The following CTNNA2 variants were observed in gnomAD, a reference collection of about 807,000 sequenced individuals.
CTNNA2 encodes catenin alpha 2.
Under a neutral mutation model 101.0 loss-of-function variants are expected in CTNNA2, and 42 were observed. The ratio of observed to expected loss-of-function variants is 0.42; its 90% CI spans 0.32 to 0.54. The LOEUF is 0.54. Among genes scored for constraint, CTNNA2 ranks in the 20% least tolerant of loss-of-function variants. CTNNA2 has a pLI of 0.14. For synonymous variants in CTNNA2, 450 were observed against 456.4 expected (o/e 0.99, Z 0.18); for missense variants, 871 against 1,223.1 (o/e 0.71, Z 4.29).
intron 9 of CTNNA2, among the ~76,000 whole-genome samples, chr2:80,474,933 A>G (rs1357498295): frequency 2.0e-5 from 3 of 152,158 alleles, no homozygotes; most frequent in Admixed American, 6.6e-5. Context: ...CAAACCCAAG[A>G]TGACTTAGCA....
At chr2:79,236,840 G>A (rs1172636923) in intron 2 of CTNNA2, among the ~76,000 whole-genome samples, 2 of 152,058 alleles carry the variant, frequency 1.3e-5, no homozygotes, top group South Asian at 2.1e-4. Flanking sequence ...ACATCTTCAG[G>A]CTCCATTTTT....
chr2:80,341,610 A>G (rs1672254438), intron 7 of CTNNA2, among the ~76,000 whole-genome samples: 1 of 152,228 alleles, frequency 6.6e-6, no homozygotes. Flanking sequence ...AAGATGGACA[A>G]TAATAAGTGT....
At chr2:79,306,675 G>A (rs965250827) in intron 2 of CTNNA2, among the ~76,000 whole-genome samples, 18 of 152,114 alleles carry the variant, frequency 1.2e-4, no homozygotes, top group Admixed American at 6.5e-4. Context: ...TCCATATCTA[G>A]TATTTGAAAT....
At chr2:79,352,079 A>G (rs1677401156) in intron 3 of CTNNA2, among the ~76,000 whole-genome samples, 1 of 152,184 alleles carries the variant, frequency 6.6e-6, no homozygotes, top group South Asian at 2.1e-4. Flanking sequence ...CAGCCTTATC[A>G]GCATTTGTTA....
chr2:79,558,976 C>G (rs1674608917), intron 1 of CTNNA2, among the ~76,000 whole-genome samples: 1 of 151,858 alleles, frequency 6.6e-6, no homozygotes, highest in African/African-American at 2.4e-5. Flanking sequence ...CACTCTTTCT[C>G]TCTTCCCATC....
intron 2 of CTNNA2, among the ~76,000 whole-genome samples, chr2:79,694,003 T>C (rs1030894816): frequency 6.6e-6 from 1 of 151,982 alleles, no homozygotes; most frequent in Non-Finnish European, 1.5e-5. Context: ...TTACAAATAT[T>C]GTATTATTCA....
intron 2 of CTNNA2, among the ~76,000 whole-genome samples, chr2:79,713,181 A>T (rs1398477167): frequency 6.6e-6 from 1 of 152,224 alleles, no homozygotes; most frequent in Non-Finnish European, 1.5e-5. Flanking sequence ...CATTGAATAA[A>T]ATGTTGGGTC....
intron 7 of CTNNA2, among the ~76,000 whole-genome samples, chr2:79,916,909 C>T (rs1404902561): frequency 2.0e-5 from 3 of 151,950 alleles, no homozygotes; most frequent in African/African-American, 2.4e-5. Flanking sequence ...AGGCTTGAGC[C>T]GCTGTGCCCA....
intron 1 of CTNNA2, among the ~76,000 whole-genome samples, chr2:79,187,901 C>A (rs975496745): frequency 3.3e-5 from 5 of 151,992 alleles, no homozygotes; most frequent in African/African-American, 1.2e-4. Context: ...AAGAAACATA[C>A]AAAATAAATT....
At chr2:79,976,707 ACG>A in intron 7 of CTNNA2, among the ~76,000 whole-genome samples, 1 of 152,214 alleles carries the variant, frequency 6.6e-6, no homozygotes, top group Non-Finnish European at 1.5e-5. Flanking sequence ...GAAATTTAAT[ACG>A]TTCTTCCAAA....
chr2:80,099,268 T>C (rs1700385936), intron 7 of CTNNA2, among the ~76,000 whole-genome samples: 2 of 152,060 alleles, frequency 1.3e-5, no homozygotes, highest in African/African-American at 2.4e-5. Context: ...TAGCTGAGTT[T>C]TTAGTAGCTT....
chr2:80,331,486 G>T (rs1671327775), intron 7 of CTNNA2, among the ~76,000 whole-genome samples: 1 of 152,102 alleles, frequency 6.6e-6, no homozygotes, highest in African/African-American at 2.4e-5. Context: ...TAACAGAGAT[G>T]CTCAGAAGGC....
rs1171861990 is a variant in CTNNA2 at position 80,626,271 on chromosome 2, CAG to C, written c.2574+7046_2574+7047del. ...TAGTTCAGGGAGAGTAGAGTGAACACAGAGTCATCAAGGACTTTGACACCTCC... is the reference window on the plus strand; with the variant it reads ...TAGTTCAGGGAGAGTAGAGTGAACACAGTCATCAAGGACTTTGACACCTCC... On this transcript the variant is annotated intron_variant, in intron 18 of 18. Coordinates refer to ENST00000402739, the MANE Select transcript of CTNNA2 (RefSeq NM_001282597.3). Among the ~76,000 whole-genome samples, 6 of 152,038 alleles carry C rather than the reference CAG, an allele frequency of 3.9e-5. 1 individual carries two copies. The highest frequency in any genetic ancestry group is 3.9e-4 in the Admixed American group (6 of 15,244).
chr2:80,276,415 T>G (rs563128122), intron 7 of CTNNA2, among the ~76,000 whole-genome samples: 98 of 152,306 alleles, frequency 6.4e-4, no homozygotes, highest in Non-Finnish European at 1.2e-3. Flanking sequence ...GTAACCCAGT[T>G]CTGACACTAC....
Position 79,611,010 on chromosome 2 carries a change from A to T in CTNNA2, c.-5-40542A>T, listed in dbSNP as rs1023697241. Among the ~76,000 whole-genome samples the T allele has an allele frequency of 3.3e-5, 5 of 152,152 alleles. No homozygotes were observed. In the East Asian group the frequency reaches 9.6e-4, roughly 29 times the overall value. On this transcript the variant is annotated intron_variant, in intron 1 of 18. Transcript: ENST00000402739. ...AAACCGTAATCATTACTGCAAATGG[A>T]TATATGTAGTAAACCATCTGTACAA...
At chr2:80,531,532 G>A (rs1690542175) in intron 9 of CTNNA2, among the ~76,000 whole-genome samples, 4 of 152,186 alleles carry the variant, frequency 2.6e-5, no homozygotes, top group African/African-American at 9.6e-5. Flanking sequence ...TAAGCCAGAT[G>A]GCAGTACTGA....
chr2:79,286,154 A>T (rs1269632156), intron 2 of CTNNA2, among the ~76,000 whole-genome samples: 1 of 152,042 alleles, frequency 6.6e-6, no homozygotes. Flanking sequence ...GTGTCTCTGC[A>T]TGTGAGATGG....
intron 9 of CTNNA2, among the ~76,000 whole-genome samples, chr2:80,515,999 C>T (rs1221579718): frequency 6.6e-6 from 1 of 152,190 alleles, no homozygotes; most frequent in African/African-American, 2.4e-5. Flanking sequence ...TATTCTGTCT[C>T]TTCTCTCTCT....
intron 3 of CTNNA2, among the ~76,000 whole-genome samples, chr2:79,840,881 T>A (rs1679753161): frequency 6.6e-6 from 1 of 152,198 alleles, no homozygotes; most frequent in African/African-American, 2.4e-5. Flanking sequence ...GCCATTCTCC[T>A]GCCTCAGCCT....
Sources: gnomAD v4.1 joint callset for allele counts (sites outside exome capture counted in the v4.1 genomes callset) on GRCh38, gnomAD v4.1.1 for gene constraint, MANE v1.5 for transcripts, NCBI Gene and HGNC (gene_info 2026-07-23, HGNC 2026-07-21) for gene names.